Variants in ZNF138 observed in about 807,000 individuals in gnomAD.
The protein encoded by ZNF138 is zinc finger protein 138.
Under a neutral mutation model 33.0 loss-of-function variants are expected in ZNF138, and 33 were observed. That is an observed-to-expected ratio of 1.00 (90% CI 0.76 to 1.34). ZNF138 has a LOEUF of 1.34. Ranked by LOEUF, ZNF138 falls within the 40% of genes most tolerant of loss-of-function variation. The pLI is 0.00. For missense variants in ZNF138, 360 were observed against 370.8 expected, an observed-to-expected ratio of 0.97 and a Z score of 0.24; for synonymous variants, 139 against 120.4, an observed-to-expected ratio of 1.15 and a Z score of -1.01.
chr7:64,838,592 C>T (rs753412132), downstream of ZNF138, among the ~76,000 whole-genome samples: 9 of 152,126 alleles, frequency 5.9e-5, no homozygotes, highest in Non-Finnish European at 1.2e-4. Flanking sequence ...GCCGCCTCCT[C>T]TCGGGAATTA....
At chr7:64,839,334 T>G in the ZNF138 span, among the ~76,000 whole-genome samples, 14 of 152,170 alleles carry the variant, frequency 9.2e-5, no homozygotes, top group African/African-American at 3.4e-4. Context: ...GATTTTGGAC[T>G]GGGTGGACCC....
chr7:64,800,554 T>A (rs1180083189), intron 1 of ZNF138, among the ~76,000 whole-genome samples: 2 of 152,202 alleles, frequency 1.3e-5, no homozygotes, highest in Admixed American at 1.3e-4. Flanking sequence ...CATAACTGAT[T>A]AACTTTTTGG....
the ZNF138 span, among the ~76,000 whole-genome samples, chr7:64,846,195 T>TGA: frequency 6.6e-6 from 1 of 152,228 alleles, no homozygotes; most frequent in African/African-American, 2.4e-5. Flanking sequence ...TTAAGTAATA[T>TGA]GATGCCTTCA....
chr7:64,821,055 T>TA (rs1789097839), intron 3 of ZNF138, among the ~76,000 whole-genome samples: 1 of 5,996 alleles, frequency 1.7e-4, no homozygotes, highest in Non-Finnish European at 8.6e-4. Context: ...GTTTTGTTTT[T>TA]GGTTTTTTTG....
rs148653073 is a variant in ZNF138 at position 64,822,726 on chromosome 7, C to G, written c.208+7073C>G. ...GAAATCAGAAAGTATAATGCATCTTCTTTTTAATGGATGTTTTGCTATAGT... is the reference window on the plus strand; with the variant it reads ...GAAATCAGAAAGTATAATGCATCTTGTTTTTAATGGATGTTTTGCTATAGT... On this transcript the variant is annotated intron_variant, in intron 3 of 3. Coordinates refer to ENST00000307355, the MANE Select transcript of ZNF138 (RefSeq NM_001271639.2). 1.3e-3 allele frequency among the ~76,000 whole-genome samples: 198 copies of G among 152,100 alleles called. 2 individuals are homozygous for G. Among genetic ancestry groups the G allele is most frequent in the Non-Finnish European group, 1.7e-3 (118 of 67,992 alleles).
intron 3 of ZNF138, among the ~76,000 whole-genome samples, chr7:64,819,198 G>A (rs1397411405): frequency 6.6e-6 from 1 of 151,954 alleles, no homozygotes; most frequent in Non-Finnish European, 1.5e-5. Flanking sequence ...CCCTATTTTG[G>A]TTATGGCTTA....
intron 3 of ZNF138, among the ~76,000 whole-genome samples, chr7:64,827,445 C>T (rs1383238043): frequency 6.6e-6 from 1 of 151,410 alleles, no homozygotes; most frequent in Non-Finnish European, 1.5e-5. Flanking sequence ...AGGGTTTCAC[C>T]GTGTTAGCCA....
At chr7:64,800,773 T>A (rs902770354) in intron 1 of ZNF138, among the ~76,000 whole-genome samples, 1 of 152,212 alleles carries the variant, frequency 6.6e-6, no homozygotes, top group Non-Finnish European at 1.5e-5. Flanking sequence ...CTCTTTTTTT[T>A]ATACATCTTG....
At position 64,832,763 on chromosome 7, in the gene ZNF138, A is replaced by G. The variant is rs914769901; in HGVS notation, c.*561A>G. On this transcript the variant is annotated 3_prime_UTR_variant, in exon 4 of 4. Coordinates refer to ENST00000307355, the MANE Select transcript of ZNF138 (RefSeq NM_001271639.2). ...GAGAGAAACCTTACAAATGTGAGGA[A>G]TGTGGCAAAGGTTTTAGCCAACTCT... 9.2e-5 allele frequency: 42 copies of G among 454,156 alleles called. No homozygotes were observed. Among genetic ancestry groups the G allele is most frequent in the African/African-American group, 8.5e-4 (42 of 49,704 alleles). 28.1% of individuals were successfully genotyped at this position (454,156 alleles called of 1,614,324 possible). A position where few individuals can be genotyped will look rare whatever the true frequency, so the allele number is the denominator to read the frequency against.
intron 3 of ZNF138, among the ~76,000 whole-genome samples, chr7:64,822,420 T>C (rs201780845): frequency 6.6e-6 from 1 of 151,656 alleles, no homozygotes; most frequent in Non-Finnish European, 1.5e-5. Flanking sequence ...TCTAAGAGAT[T>C]AACAGTGATT....
the ZNF138 span, among the ~76,000 whole-genome samples, chr7:64,859,266 C>T: frequency 6.6e-6 from 1 of 152,102 alleles, no homozygotes; most frequent in African/African-American, 2.4e-5. Context: ...TGTTCCATTG[C>T]AGAAAATTGT....
At chr7:64,851,507 C>T in the ZNF138 span, among the ~76,000 whole-genome samples, 2 of 151,992 alleles carry the variant, frequency 1.3e-5, no homozygotes. Flanking sequence ...AAACAAAAGG[C>T]CTGAAATCAC....
chr7:64,842,149 C>T, the ZNF138 span, among the ~76,000 whole-genome samples: 4 of 152,250 alleles, frequency 2.6e-5, no homozygotes, highest in South Asian at 6.2e-4. Context: ...CTGCAACCTC[C>T]GCCTCTTGGG....
At position 64,829,679 on chromosome 7, in the gene ZNF138, G is replaced by T. The variant is rs1026576894; in HGVS notation, c.209-1772G>T. On this transcript the variant is annotated intron_variant, in intron 3 of 3. Transcript: ENST00000307355. ...TTGTATTTTTCTATGTGGTATGTTA[G>T]CAGATGTTTATAAAAATTTTTATGC... Among the ~76,000 whole-genome samples, 3 of 90,830 alleles carry T rather than the reference G, an allele frequency of 3.3e-5. No homozygotes were observed. In the South Asian group the frequency reaches 1.1e-3, roughly 33 times the overall value. 59.6% of individuals were successfully genotyped at this position (90,830 alleles called of 152,430 possible). A position where few individuals can be genotyped will look rare whatever the true frequency, so the allele number is the denominator to read the frequency against.
chr7:64,840,223 C>T, the ZNF138 span, among the ~76,000 whole-genome samples: 1 of 152,134 alleles, frequency 6.6e-6, no homozygotes, highest in Admixed American at 6.5e-5. Flanking sequence ...CATAAGACCA[C>T]TGTGCATTCA....
At chr7:64,828,365 C>A (rs1244789079) in intron 3 of ZNF138, among the ~76,000 whole-genome samples, 1 of 152,086 alleles carries the variant, frequency 6.6e-6, no homozygotes, top group East Asian at 1.9e-4. Context: ...CATTTCATGG[C>A]AGTTTTCAAA....
At chr7:64,815,159 C>G in intron 2 of ZNF138, 115 bp downstream of exon 2, 1 of 1,102,678 alleles carries the variant, frequency 9.1e-7, no homozygotes, top group Non-Finnish European at 1.2e-6. Flanking sequence ...GTTTCAGATT[C>G]CTGTTTTCAA....
chr7:64,854,483 G>A, the ZNF138 span, among the ~76,000 whole-genome samples: 3 of 152,084 alleles, frequency 2.0e-5, no homozygotes, highest in African/African-American at 7.2e-5. Flanking sequence ...TCAAGTGATC[G>A]GCCCACCTCG....
intron 1 of ZNF138, among the ~76,000 whole-genome samples, chr7:64,810,436 G>GGGGAGA (rs1399253267): frequency 1.8e-4 from 15 of 81,294 alleles, no homozygotes; most frequent in Admixed American, 2.5e-4. Flanking sequence ...GGGAGACCGT[G>GGGGAGA]GGGAGAGGGA....
Sources: gnomAD v4.1 joint callset for allele counts (sites outside exome capture counted in the v4.1 genomes callset) on GRCh38, gnomAD v4.1.1 for gene constraint, MANE v1.5 for transcripts, NCBI Gene and HGNC (gene_info 2026-07-23, HGNC 2026-07-21) for gene names.